Variants in CNTNAP2 observed in about 807,000 individuals in gnomAD.
The protein encoded by CNTNAP2 is contactin-associated protein-like 2.
Under a neutral mutation model 155.2 loss-of-function variants are expected in CNTNAP2, and 98 were observed. The ratio of observed to expected loss-of-function variants is 0.63; its 90% CI spans 0.54 to 0.75. The LOEUF is 0.75. CNTNAP2 is among the 30% of genes least tolerant of loss of function. The probability of loss-of-function intolerance (pLI) is 0.00; values close to 1 mark genes in which losing one functional copy is unlikely to be tolerated. For missense variants in CNTNAP2, 1,727 were observed against 1,688.1 expected, an observed-to-expected ratio of 1.02 and a Z score of -0.40; for synonymous variants, 651 against 631.2, an observed-to-expected ratio of 1.03 and a Z score of -0.47.
At chr7:147,607,179 A>C (rs1007747889) in intron 12 of CNTNAP2, among the ~76,000 whole-genome samples, 1 of 152,112 alleles carries the variant, frequency 6.6e-6, no homozygotes, top group African/African-American at 2.4e-5. Context: ...AAAATTAAAT[A>C]CTTCCAGGGA....
rs577901319 is a variant in CNTNAP2 at position 146,460,623 on chromosome 7, A to C, written c.98-313648A>C. Reference sequence around the variant, plus strand: ...ATATAATGAATATACTACAATATGCAATGAAATACTATGCAACCTTTAAAA... The same window carrying C: ...ATATAATGAATATACTACAATATGCCATGAAATACTATGCAACCTTTAAAA... On this transcript the variant is annotated intron_variant, in intron 1 of 23. Transcript: ENST00000361727. Among the ~76,000 whole-genome samples, 6 of 152,322 alleles carry C rather than the reference A, an allele frequency of 3.9e-5. No homozygotes were observed. In the East Asian group the frequency reaches 1.2e-3, roughly 29 times the overall value.
At chr7:146,518,640 A>C (rs1458880970) in intron 1 of CNTNAP2, among the ~76,000 whole-genome samples, 1 of 151,886 alleles carries the variant, frequency 6.6e-6, no homozygotes, top group Non-Finnish European at 1.5e-5. Flanking sequence ...CTAAAAATTC[A>C]AACATTTTGA....
chr7:147,532,770 A>G (rs1190255924), intron 11 of CNTNAP2, among the ~76,000 whole-genome samples: 1 of 152,170 alleles, frequency 6.6e-6, no homozygotes, highest in Non-Finnish European at 1.5e-5. Flanking sequence ...GGAAGAAGTA[A>G]AAGCAGAAAC....
intron 4 of CNTNAP2, among the ~76,000 whole-genome samples, chr7:147,102,282 G>GAAAGAAAAA (rs1800672711): frequency 9.0e-6 from 1 of 110,618 alleles, no homozygotes; most frequent in Non-Finnish European, 1.8e-5. Context: ...TAGGCAAAAA[G>GAAAGAAAAA]AAAAAAAAAA....
intron 13 of CNTNAP2, among the ~76,000 whole-genome samples, chr7:147,777,426 C>T (rs561067289): frequency 7.2e-5 from 11 of 152,050 alleles, no homozygotes; most frequent in Admixed American, 3.9e-4. Flanking sequence ...ATGTTCACAC[C>T]GACTCAGACA....
intron 10 of CNTNAP2, among the ~76,000 whole-genome samples, chr7:147,424,903 T>C (rs889783895): frequency 6.6e-6 from 1 of 152,134 alleles, no homozygotes; most frequent in African/African-American, 2.4e-5. Context: ...GGAATGGCTC[T>C]ACCCTCAATT....
chr7:146,430,438 C>T (rs1484084770), intron 1 of CNTNAP2, among the ~76,000 whole-genome samples: 2 of 151,990 alleles, frequency 1.3e-5, no homozygotes, highest in East Asian at 3.9e-4. Flanking sequence ...TATAATCTAC[C>T]TTTCACTTGA....
chr7:147,400,194 C>G (rs1186195137), intron 10 of CNTNAP2, among the ~76,000 whole-genome samples: 5 of 152,064 alleles, frequency 3.3e-5, no homozygotes, highest in Admixed American at 3.3e-4. Context: ...CTCACTTCTT[C>G]CTTCAAGAGA....
intron 1 of CNTNAP2, among the ~76,000 whole-genome samples, chr7:146,648,988 A>G (rs950746508): frequency 3.3e-5 from 5 of 152,216 alleles, no homozygotes; most frequent in Admixed American, 1.3e-4. Context: ...AGACAGAAGA[A>G]GACAGAAAAA....
intron 12 of CNTNAP2, among the ~76,000 whole-genome samples, chr7:147,594,220 G>A (rs756994443): frequency 7.7e-5 from 11 of 142,142 alleles, no homozygotes; most frequent in South Asian, 2.3e-4. Flanking sequence ...TCCACTTCCC[G>A]GGTTAAGCGA....
intron 1 of CNTNAP2, among the ~76,000 whole-genome samples, chr7:146,657,778 A>C (rs759720611): frequency 1.3e-5 from 2 of 152,170 alleles, no homozygotes; most frequent in Non-Finnish European, 2.9e-5. Context: ...TGTCAAAAAG[A>C]GTCTAATTTT....
At chr7:148,200,870 A>G (rs1257445804) in intron 18 of CNTNAP2, among the ~76,000 whole-genome samples, 1 of 152,212 alleles carries the variant, frequency 6.6e-6, no homozygotes, top group Non-Finnish European at 1.5e-5. Flanking sequence ...TTTGAATAAT[A>G]TGTACCCCAT....
intron 1 of CNTNAP2, among the ~76,000 whole-genome samples, chr7:146,126,919 G>C (rs562869887): frequency 1.3e-4 from 20 of 152,190 alleles, no homozygotes; most frequent in African/African-American, 4.8e-4. Flanking sequence ...TTCCCTCCAG[G>C]CATTAATTTA....
chr7:146,197,528 A>G (rs1798794581), intron 1 of CNTNAP2, among the ~76,000 whole-genome samples: 1 of 152,174 alleles, frequency 6.6e-6, no homozygotes, highest in Non-Finnish European at 1.5e-5. Flanking sequence ...GTTCCATGAT[A>G]CTATTTTAAA....
chr7:147,413,330 G>C (rs896539056), intron 10 of CNTNAP2, among the ~76,000 whole-genome samples: 4 of 152,318 alleles, frequency 2.6e-5, no homozygotes, highest in Admixed American at 6.5e-5. Flanking sequence ...TAAAACAGTA[G>C]CTTGTTCCAA....
At chr7:147,072,848 CTTTTTTTTTTT>C (rs71165064) in intron 4 of CNTNAP2, among the ~76,000 whole-genome samples, 2 of 93,684 alleles carry the variant, frequency 2.1e-5, no homozygotes, top group African/African-American at 4.7e-5. Context: ...TTCCTTTATT[CTTTTTTTTTTT>C]TTTTTTTTTT....
chr7:147,413,138 A>G (rs1206437631), intron 10 of CNTNAP2, among the ~76,000 whole-genome samples: 3 of 152,218 alleles, frequency 2.0e-5, no homozygotes, highest in Non-Finnish European at 2.9e-5. Flanking sequence ...GTTTACTGGA[A>G]ATAGTTTTAA....
intron 12 of CNTNAP2, among the ~76,000 whole-genome samples, chr7:147,579,604 T>A (rs1275051518): frequency 6.6e-6 from 1 of 152,202 alleles, no homozygotes; most frequent in Non-Finnish European, 1.5e-5. Flanking sequence ...CTTTAGTGAT[T>A]TGTGCATTGT....
intron 15 of CNTNAP2, among the ~76,000 whole-genome samples, chr7:148,026,500 G>A (rs896109148): frequency 6.6e-6 from 1 of 152,056 alleles, no homozygotes; most frequent in African/African-American, 2.4e-5. Context: ...GCCATTTAAA[G>A]CATTCTGTGT....
Sources: allele counts gnomAD v4.1 joint callset (sites outside exome capture counted in the v4.1 genomes callset), GRCh38; gene constraint gnomAD v4.1.1; transcripts MANE v1.5; gene names NCBI Gene and HGNC (gene_info 2026-07-23, HGNC 2026-07-21).